The following PTPRT variants were observed in gnomAD, a reference collection of about 807,000 sequenced individuals.
The protein encoded by PTPRT is protein tyrosine phosphatase receptor type T.
Under a neutral mutation model 176.8 loss-of-function variants are expected in PTPRT, and 56 were observed. The ratio of observed to expected loss-of-function variants is 0.32; its 90% confidence interval spans 0.26 to 0.40. The LOEUF is 0.40. PTPRT is among the 10% of genes least tolerant of loss of function. The pLI is 1.00. For synonymous variants in PTPRT, 783 were observed against 739.0 expected (o/e 1.06, Z -0.96); for missense variants, 1,540 against 1,908.2 (o/e 0.81, Z 3.60).
At chr20:42,644,413 G>A (rs936337551) in intron 7 of PTPRT, among the ~76,000 whole-genome samples, 1 of 152,096 alleles carries the variant, frequency 6.6e-6, no homozygotes, top group Non-Finnish European at 1.5e-5. Context: ...CAGGTCTTGG[G>A]CACTGATCTT....
At chr20:42,915,230 G>A (rs898966577) in intron 1 of PTPRT, among the ~76,000 whole-genome samples, 4 of 152,188 alleles carry the variant, frequency 2.6e-5, no homozygotes, top group African/African-American at 4.8e-5. Flanking sequence ...AATGCGGTTC[G>A]AAATCTGAGC....
At chr20:42,657,599 A>C (rs2075148516) in intron 7 of PTPRT, among the ~76,000 whole-genome samples, 1 of 152,032 alleles carries the variant, frequency 6.6e-6, no homozygotes, top group African/African-American at 2.4e-5. Context: ...TCAATGAAAA[A>C]CTGCATTGTT....
intron 11 of PTPRT, among the ~76,000 whole-genome samples, chr20:42,319,203 G>C (rs1568770465): frequency 2.0e-5 from 3 of 151,898 alleles, no homozygotes; most frequent in Non-Finnish European, 4.4e-5. Flanking sequence ...TGATTCATGA[G>C]GGTCAAACTG....
intron 1 of PTPRT, among the ~76,000 whole-genome samples, chr20:43,120,277 G>GTTT (rs11482986): frequency 2.7e-5 from 4 of 147,800 alleles, no homozygotes; most frequent in Admixed American, 1.3e-4. Context: ...TCCAGATCCA[G>GTTT]TTTTTTTTTT....
intron 1 of PTPRT, among the ~76,000 whole-genome samples, chr20:42,897,618 C>G (rs559138204): frequency 5.1e-4 from 77 of 152,168 alleles, no homozygotes; most frequent in Non-Finnish European, 9.6e-4. Flanking sequence ...AAGCAGCCCC[C>G]AGAAATGCCC....
intron 1 of PTPRT, among the ~76,000 whole-genome samples, chr20:42,890,019 C>A (rs766027312): frequency 1.3e-5 from 2 of 152,154 alleles, no homozygotes; most frequent in Non-Finnish European, 2.9e-5. Flanking sequence ...GTGCTTTGAT[C>A]AGACAAGAAT....
chr20:43,044,769 G>C (rs910174624), intron 1 of PTPRT, among the ~76,000 whole-genome samples: 1 of 151,902 alleles, frequency 6.6e-6, no homozygotes, highest in Non-Finnish European at 1.5e-5. Context: ...CCAGTGTAGT[G>C]CACGGTGCAG....
chr20:42,473,326 A>G (rs1443198548), intron 7 of PTPRT, among the ~76,000 whole-genome samples: 5 of 152,142 alleles, frequency 3.3e-5, no homozygotes, highest in Non-Finnish European at 7.4e-5. Flanking sequence ...GTCTATGTCT[A>G]ATTTTATTAG....
chr20:42,063,631 T>C, the PTPRT span: 1 of 152,342 alleles, frequency 6.6e-6, no homozygotes, highest in East Asian at 1.9e-4. Flanking sequence ...ACTTCCGTCC[T>C]CTAGTTGCAT....
At chr20:43,043,769 T>G (rs1568750582) in intron 1 of PTPRT, among the ~76,000 whole-genome samples, 2 of 152,192 alleles carry the variant, frequency 1.3e-5, no homozygotes, top group Non-Finnish European at 2.9e-5. Context: ...ATGGGTAAAC[T>G]GAGGTCTGAG....
chr20:42,347,034 G>A (rs6102790), intron 11 of PTPRT, among the ~76,000 whole-genome samples: 1,605 of 152,188 alleles, frequency 0.011, 27 homozygotes, highest in African/African-American at 0.036. Context: ...CTTCCCAGGG[G>A]AGCCATGAAC....
chr20:43,108,098 T>A (rs1226906456), intron 1 of PTPRT, among the ~76,000 whole-genome samples: 3 of 152,122 alleles, frequency 2.0e-5, no homozygotes, highest in African/African-American at 7.2e-5. Context: ...AGTGGTAGAG[T>A]CTCTCTATCC....
At position 42,247,902 on chromosome 20, in the gene PTPRT, T is replaced by C. The variant is rs367570216; in HGVS notation, c.2312+785A>G. Among the ~76,000 whole-genome samples the C allele has an allele frequency of 7.9e-5, 12 of 152,362 alleles. 2 individuals carry two copies. In the East Asian group the frequency reaches 1.7e-3, roughly 22 times the overall value. ...ACAGGGATAGCTGATATTCACCCTT[T>C]GTATTTTCTTCCCTCTGTAATTTCC... On this transcript the variant is annotated intron_variant, in intron 14 of 30. Coordinates refer to ENST00000373187, the MANE Select transcript of PTPRT (RefSeq NM_007050.6).
At chr20:43,101,271 T>C (rs1158451242) in intron 1 of PTPRT, among the ~76,000 whole-genome samples, 1 of 152,116 alleles carries the variant, frequency 6.6e-6, no homozygotes, top group Non-Finnish European at 1.5e-5. Flanking sequence ...ATGATGTATG[T>C]AAAAGACTCT....
intron 13 of PTPRT, among the ~76,000 whole-genome samples, chr20:42,272,439 C>T (rs1419098091): frequency 6.6e-6 from 1 of 151,788 alleles, no homozygotes; most frequent in East Asian, 1.9e-4. Context: ...CTCAGATAGG[C>T]AAGACAAAGA....
intron 1 of PTPRT, among the ~76,000 whole-genome samples, chr20:43,157,860 T>A (rs191288822): frequency 6.6e-6 from 1 of 152,256 alleles, no homozygotes; most frequent in East Asian, 1.9e-4. Context: ...GGCTGGAGCA[T>A]GCATGGGTTA....
intron 1 of PTPRT, among the ~76,000 whole-genome samples, chr20:43,086,656 C>A (rs1053943655): frequency 6.6e-5 from 10 of 152,198 alleles, no homozygotes; most frequent in Non-Finnish European, 1.5e-4. Flanking sequence ...TGAACATAAT[C>A]TTCCTTTGAG....
intron 7 of PTPRT, among the ~76,000 whole-genome samples, chr20:42,671,627 T>A (rs1272194329): frequency 6.6e-6 from 1 of 152,188 alleles, no homozygotes; most frequent in African/African-American, 2.4e-5. Context: ...TGTTTTGATA[T>A]AATTATTCAT....
rs369888325 is a variant in PTPRT, at chr20:42,831,711, C to A, written c.215-40245G>T. 8.5e-5 allele frequency among the ~76,000 whole-genome samples: 13 copies of A among 152,206 alleles called. No individual in the cohort carries two copies. In the East Asian group the frequency reaches 1.2e-3, roughly 14 times the overall value. On this transcript the variant is annotated intron_variant, in intron 2 of 30. Coordinates refer to ENST00000373187, the MANE Select transcript of PTPRT (RefSeq NM_007050.6). ...AAAAACAATCCCATTAGAAAGTGGGCAAAGGACATGAACAGACACTTCAAA... is the reference window on the plus strand; with the variant it reads ...AAAAACAATCCCATTAGAAAGTGGGAAAAGGACATGAACAGACACTTCAAA...
Sources: allele counts gnomAD v4.1 joint callset (sites outside exome capture counted in the v4.1 genomes callset), GRCh38; gene constraint gnomAD v4.1.1; transcripts MANE v1.5; gene names NCBI Gene and HGNC (gene_info 2026-07-23, HGNC 2026-07-21).